The following TRPM3 variants were observed in gnomAD, a reference collection of about 807,000 sequenced individuals.
TRPM3 encodes the protein long transient receptor potential channel 3.
In TRPM3, 77 loss-of-function variants were observed where a neutral mutation model predicts 181.2. The ratio of observed to expected loss-of-function variants is 0.42; its 90% CI spans 0.35 to 0.51. TRPM3 has a LOEUF of 0.51. Ranked by LOEUF, TRPM3 falls within the 20% of genes least tolerant of loss-of-function variation. The pLI is 0.01. For synonymous variants in TRPM3, 745 were observed against 796.4 expected, an observed-to-expected ratio of 0.94 and a Z score of 1.09; for missense variants, 1,759 against 2,196.7, an observed-to-expected ratio of 0.80 and a Z score of 3.98.
chr9:71,204,182 CA>C (rs2078979947), intron 1 of TRPM3, among the ~76,000 whole-genome samples: 1 of 151,218 alleles, frequency 6.6e-6, no homozygotes. Flanking sequence ...ACACCAAAAG[CA>C]ATGGCAACAA....
rs182870356 is a variant in TRPM3 at position 70,633,943 on chromosome 9, T to C, written c.1632+1268A>G. On this transcript the variant is annotated intron_variant, in intron 12 of 25. Transcript: ENST00000677713. ...GCAGTGCCATCTTCTGTTTTATTTT[T>C]TGGAATTAAAACATCACTTTCTGGG... is the stretch of plus-strand genomic sequence containing the variant. 2.0e-3 allele frequency among the ~76,000 whole-genome samples: 307 copies of C among 152,262 alleles called. 2 individuals are homozygous for C. The highest frequency in any genetic ancestry group is 7.1e-3 in the African/African-American group (295 of 41,550).
intron 1 of TRPM3, among the ~76,000 whole-genome samples, chr9:70,924,688 A>T (rs1333863040): frequency 6.6e-6 from 1 of 152,164 alleles, no homozygotes; most frequent in East Asian, 1.9e-4. Flanking sequence ...CTCGGTTTCT[A>T]CCATATTTTT....
At chr9:70,764,129 C>A (rs1346644498) in intron 7 of TRPM3, among the ~76,000 whole-genome samples, 1 of 152,090 alleles carries the variant, frequency 6.6e-6, no homozygotes, top group Non-Finnish European at 1.5e-5. Flanking sequence ...TTTTATCCCC[C>A]AGACAATGAA....
rs76772305 is a variant in TRPM3, at chr9:71,063,340, T to A, written c.177+57838A>T. Among the ~76,000 whole-genome samples, 751 of 152,248 alleles carry A rather than the reference T, an allele frequency of 4.9e-3. 18 individuals carry two copies. In the East Asian group the frequency reaches 0.078, roughly 16 times the overall value. The stretch of plus-strand genomic sequence containing the variant: ...AATTCTTTTATGAAATCAGTAAATA[T>A]TTATTGGGTACCTAATTCACACACG... On this transcript the variant is annotated intron_variant, in intron 1 of 25. Transcript: ENST00000677713.
intron 1 of TRPM3, among the ~76,000 whole-genome samples, chr9:71,416,673 G>A (rs1266717629): frequency 6.6e-6 from 1 of 151,836 alleles, no homozygotes; most frequent in Non-Finnish European, 1.5e-5. Flanking sequence ...ATTTTTAAGG[G>A]ACACTATTCA....
At chr9:71,211,489 A>G (rs1285526972) in intron 1 of TRPM3, among the ~76,000 whole-genome samples, 1 of 152,142 alleles carries the variant, frequency 6.6e-6, no homozygotes, top group East Asian at 1.9e-4. Flanking sequence ...AAAATGCCAC[A>G]TATTAGGTGG....
intron 1 of TRPM3, among the ~76,000 whole-genome samples, chr9:71,161,440 A>G (rs943802225): frequency 1.3e-5 from 2 of 152,152 alleles, no homozygotes; most frequent in African/African-American, 4.8e-5. Flanking sequence ...GAAAGGACCC[A>G]TATCAGATTA....
chr9:70,767,691 G>A (rs1814981746), intron 7 of TRPM3, among the ~76,000 whole-genome samples: 1 of 152,142 alleles, frequency 6.6e-6, no homozygotes, highest in South Asian at 2.1e-4. Flanking sequence ...GTTGAGGCTA[G>A]AATATCCAAG....
chr9:70,606,313 A>G (rs140530492), intron 19 of TRPM3, among the ~76,000 whole-genome samples: 2,559 of 151,772 alleles, frequency 0.017, 75 homozygotes, highest in African/African-American at 0.056. Context: ...CTTCCCTTTG[A>G]TCCCCAATTA....
At chr9:71,047,413 A>C (rs2059565819) in intron 1 of TRPM3, among the ~76,000 whole-genome samples, 4 of 152,000 alleles carry the variant, frequency 2.6e-5, no homozygotes, top group African/African-American at 9.7e-5. Flanking sequence ...AATTTTAATA[A>C]TTTTTTTTCT....
intron 1 of TRPM3, among the ~76,000 whole-genome samples, chr9:71,059,638 G>C (rs2061077865): frequency 1.3e-5 from 2 of 152,152 alleles, no homozygotes; most frequent in African/African-American, 2.4e-5. Flanking sequence ...CCTTGATAAT[G>C]TATGTGGGAC....
At chr9:71,089,891 T>C (rs1332934294) in intron 1 of TRPM3, among the ~76,000 whole-genome samples, 1 of 152,072 alleles carries the variant, frequency 6.6e-6, no homozygotes, top group Non-Finnish European at 1.5e-5. Context: ...CCCTGGACCA[T>C]ACTGGAAAAG....
At chr9:71,097,411 C>T (rs1448277690) in intron 1 of TRPM3, among the ~76,000 whole-genome samples, 1 of 151,860 alleles carries the variant, frequency 6.6e-6, no homozygotes. Flanking sequence ...TTTATGTTTG[C>T]ATAGTATTTA....
At chr9:71,031,336 A>G (rs1428183820) in intron 1 of TRPM3, among the ~76,000 whole-genome samples, 2 of 152,228 alleles carry the variant, frequency 1.3e-5, no homozygotes, top group Non-Finnish European at 2.9e-5. Context: ...CAGCAGAATT[A>G]TGGTTAGCCT....
At chr9:70,941,246 G>T (rs552204113) in intron 1 of TRPM3, among the ~76,000 whole-genome samples, 2 of 152,192 alleles carry the variant, frequency 1.3e-5, no homozygotes, top group Non-Finnish European at 2.9e-5. Flanking sequence ...CATAAAGCAG[G>T]CAGGAGAAGA....
At chr9:71,418,811 T>C (rs1265238965) in intron 1 of TRPM3, among the ~76,000 whole-genome samples, 2 of 15,762 alleles carry the variant, frequency 1.3e-4, no homozygotes, top group East Asian at 8.6e-3. Context: ...ACTATATATA[T>C]ACTATATATA....
rs7019608 is a variant in TRPM3 at position 71,408,584 on chromosome 9, C to T, written c.183+38069G>A. On this transcript the variant is annotated intron_variant, in intron 1 of 24. Transcript: ENST00000357533. ...GAGTAAAAAGAAATGAACAAAGCCT[C>T]CAAGAAACATGGGACTATGTGAAAA... Among the ~76,000 whole-genome samples the T allele has an allele frequency of 9.2e-3, 1,397 of 152,216 alleles. 22 individuals are homozygous for T. Among genetic ancestry groups the T allele is most frequent in the African/African-American group, 0.032 (1,327 of 41,526 alleles).
At chr9:70,821,541 G>T in intron 6 of TRPM3, among the ~76,000 whole-genome samples, 1 of 152,134 alleles carries the variant, frequency 6.6e-6, no homozygotes, top group South Asian at 2.1e-4. Flanking sequence ...AATATATTAA[G>T]TTGGTCGAAC....
intron 1 of TRPM3, among the ~76,000 whole-genome samples, chr9:71,213,871 TC>T (rs2079677010): frequency 6.6e-6 from 1 of 152,198 alleles, no homozygotes; most frequent in East Asian, 1.9e-4. Context: ...ACATATTTTT[TC>T]CTGGTACAAC....
Sources: gnomAD v4.1 joint callset for allele counts (sites outside exome capture counted in the v4.1 genomes callset) on GRCh38, gnomAD v4.1.1 for gene constraint, MANE v1.5 for transcripts, NCBI Gene and HGNC (gene_info 2026-07-23, HGNC 2026-07-21) for gene names.